C2: variants seen among roughly 807,000 people sequenced by gnomAD.
The protein encoded by C2 is complement C2, also known as C3/C5 convertase.
A neutral mutation model predicts 85.2 loss-of-function variants in C2; 64 were observed. The ratio of observed to expected loss-of-function variants is 0.75; its 90% CI spans 0.61 to 0.92. The LOEUF (loss-of-function observed/expected upper bound fraction) is 0.92, where lower values mean the gene tolerates loss of function less well. Ranked by LOEUF, C2 falls within the 40% of genes least tolerant of loss-of-function variation. C2 has a pLI of 0.00. For missense variants in C2, 820 were observed against 971.6 expected, an observed-to-expected ratio of 0.84 and a Z score of 2.07; for synonymous variants, 311 against 370.8, an observed-to-expected ratio of 0.84 and a Z score of 1.85.
chr6:31,932,455 A>C (rs577449462), intron 3 of C2: 15,600 of 282,502 alleles, frequency 0.055, 525 homozygotes, highest in African/African-American at 0.1. Context: ...GGCCGGGCAG[A>C]GACGCTCCTC....
chr6:31,929,955 T>C (rs1769596285), intron 3 of C2, among the ~76,000 whole-genome samples: 1 of 151,360 alleles, frequency 6.6e-6, no homozygotes, highest in Non-Finnish European at 1.5e-5. Context: ...GAGGTTGCAG[T>C]GAGCCGAGAT....
Position 31,944,665 on chromosome 6 carries a change from G to A in C2, c.1903-62G>A, listed in dbSNP as rs897612929. On this transcript the variant is annotated intron_variant, in intron 15 of 17. Coordinates refer to ENST00000299367, the MANE Select transcript of C2 (RefSeq NM_000063.6). The surrounding 1 kb of genome is among the most constrained non-coding windows in gnomAD (Gnocchi z 5.1). Reference sequence around the variant, plus strand: ...CAAAGTGCTGAGATTACAGGCGTGAGCCACTGCACCCACCCGGGTCTGCTT... The same window carrying A: ...CAAAGTGCTGAGATTACAGGCGTGAACCACTGCACCCACCCGGGTCTGCTT... 6.3e-7 allele frequency: 1 copy of A among 1,598,142 alleles called. No individual in the cohort carries two copies. The highest frequency in any genetic ancestry group is 2.2e-5 in the East Asian group (1 of 44,808).
In C2 at chr6:31,942,787, G is replaced by A. The variant is rs530716101; in HGVS notation, c.1220-172G>A. The A allele has an allele frequency of 1.7e-5, 12 of 723,150 alleles. No homozygotes were observed. In the African/African-American group the frequency reaches 2.1e-4, roughly 13 times the overall value. The allele number at this position is 723,150 out of a possible 1,614,324, so 44.8% of individuals were successfully genotyped here. On this transcript the variant is annotated intron_variant, in intron 9 of 17. Transcript: ENST00000299367. ...AAGAGGCTGTGTGCTGCAGGAGAGT[G>A]AAGGGCAGGGAGTGGCAGGAAATGA...
upstream of C2, chr6:31,897,818 G>A: frequency 9.8e-7 from 1 of 1,018,740 alleles, no homozygotes; most frequent in Middle Eastern, 3.5e-4. Context: ...GGAGATGGCT[G>A]TGACTGTCCT....
chr6:31,924,384 G>A (rs1429799730), upstream of C2, among the ~76,000 whole-genome samples: 8 of 152,078 alleles, frequency 5.3e-5, no homozygotes. Flanking sequence ...CTTTAATTTT[G>A]TTTCTTTATC....
chr6:31,945,512 G>GAA lies in C2; in HGVS notation c.*157_*158dup, dbSNP rs1163077083. 1 of 741,454 alleles carries GAA rather than the reference G, an allele frequency of 1.3e-6. No individual in the cohort carries two copies. The highest frequency in any genetic ancestry group is 2.3e-6 in the Non-Finnish European group (1 of 431,654). 45.9% of individuals were successfully genotyped at this position (741,454 alleles called of 1,614,324 possible). A position where few individuals can be genotyped will look rare whatever the true frequency, so the allele number is the denominator to read the frequency against. ...GCCAGAGGCAGCGCACACAAGCTGG[G>GAA]AAATCCTCAGGGCTCCTACCAGCAG... is the stretch of plus-strand genomic sequence containing the variant. On this transcript the variant is annotated 3_prime_UTR_variant, in exon 18 of 18. Coordinates refer to ENST00000299367, the MANE Select transcript of C2 (RefSeq NM_000063.6). The surrounding 1 kb of genome is among the most constrained non-coding windows in gnomAD (Gnocchi z 5.3).
upstream of C2, chr6:31,897,870 T>C (rs1766800670): frequency 1.5e-5 from 16 of 1,055,426 alleles, no homozygotes; most frequent in Non-Finnish European, 1.8e-5. Context: ...ATTCCTGGCC[T>C]CAGTTCTGCA....
intron 5 of C2, 65 bp downstream of exon 5, chr6:31,934,030 A>G: frequency 6.4e-7 from 1 of 1,552,326 alleles, no homozygotes; most frequent in East Asian, 2.2e-5. Context: ...GCAAGGGAGG[A>G]TGCAACCTTC....
Position 31,942,965 on chromosome 6 carries a change from A to AT in C2, c.1227dup (p.Ala410CysfsTer16). On this transcript the variant is annotated frameshift_variant, in exon 10 of 18. Transcript: ENST00000299367. LOFTEE classifies it high-confidence loss of function. ...TTTCCCTCTTCCCCACCAGACATCT[A>AT]TGCCATCGGGGTGGGCAAGCTGGAT... is the stretch of plus-strand genomic sequence containing the variant. 3 of 1,613,094 alleles carry AT rather than the reference A, an allele frequency of 1.9e-6. No homozygotes were observed. Among genetic ancestry groups the AT allele is most frequent in the Non-Finnish European group, 2.5e-6 (3 of 1,180,028 alleles).
chr6:31,925,558 G>T (rs937141528), upstream of C2, among the ~76,000 whole-genome samples: 9 of 152,286 alleles, frequency 5.9e-5, no homozygotes, highest in Admixed American at 5.2e-4. Context: ...CTCCCAAAGT[G>T]CTGGGATTAC....
At chr6:31,900,459 C>T, upstream of C2, 2 of 1,586,830 alleles carry the variant, frequency 1.3e-6, no homozygotes, top group Non-Finnish European at 1.7e-6. The surrounding 1 kb of genome is among the most constrained non-coding windows in gnomAD (Gnocchi z 9.7). Flanking sequence ...GCCCGGCCTC[C>T]GGGAATCAAC....
chr6:31,927,714 C>T (rs1222375358), upstream of C2: 9 of 1,612,922 alleles, frequency 5.6e-6, no homozygotes, highest in South Asian at 2.2e-5. The surrounding 1 kb of genome is among the most constrained non-coding windows in gnomAD (Gnocchi z 4.7). Flanking sequence ...TTTTCCCTCC[C>T]GCGGCTCTCT....
intron 3 of C2, among the ~76,000 whole-genome samples, chr6:31,932,888 T>G (rs886078554): frequency 6.6e-6 from 1 of 152,234 alleles, no homozygotes; most frequent in African/African-American, 2.4e-5. Context: ...CCGAGGCTGG[T>G]GGATCACTCG....
Position 31,928,852 on chromosome 6 carries a change from C to T in C2, c.377C>T (p.Ser126Leu), listed in dbSNP as rs749347217. Residue 126 changes from serine (S) to leucine (L), a missense_variant, in exon 3 of 18, where the codon TCG (serine) becomes TTG (leucine). Ser to Leu is a moderately radical substitution (Grantham distance 145). Transcript: ENST00000299367. ...ECEDGFILRG[S>L]PVRQCRPNGM... ...GAGGATGGCTTCATATTGCGGGGCT[C>T]GCCTGTGCGTCAGTGTCGCCCCAAC... 7.4e-6 allele frequency: 12 copies of T among 1,614,188 alleles called. No individual in the cohort carries two copies. The highest frequency in any genetic ancestry group is 2.2e-5 in the South Asian group (2 of 91,090).
At chr6:31,934,379 C>T (rs1403770650) in intron 6 of C2, 80 bp downstream of exon 6, 11 of 1,581,082 alleles carry the variant, frequency 7.0e-6, no homozygotes, top group Middle Eastern at 1.7e-4. Flanking sequence ...CTCCTCAGAA[C>T]CCCACTCACA....
upstream of C2, among the ~76,000 whole-genome samples, chr6:31,924,887 T>A (rs1336290352): frequency 6.6e-6 from 1 of 152,216 alleles, no homozygotes; most frequent in Non-Finnish European, 1.5e-5. Flanking sequence ...AGGTAAATTC[T>A]ATGCCTCCAG....
At chr6:31,917,505 G>T (rs1768624633), upstream of C2, among the ~76,000 whole-genome samples, 1 of 151,902 alleles carries the variant, frequency 6.6e-6, no homozygotes. Context: ...AGGGAGTGTG[G>T]GTTAAAAAAT....
rs768357652 is a variant in C2, at chr6:31,937,401, C to T, written c.1071C>T (p.Leu357=). 5.6e-6 allele frequency: 9 copies of T among 1,612,598 alleles called. No homozygotes were observed. The East Asian group carries it at 8.9e-5, about 16-fold the overall frequency. The change falls in exon 8 of 18, where the codon CTC becomes CTT. Residue 357 remains leucine (L), a synonymous_variant. Coordinates refer to ENST00000299367, the MANE Select transcript of C2 (RefSeq NM_000063.6). ...TGATGAACAACCAAATGCGACTCCT[C>T]GGCATGGAAACGATGGCCTGGCAGG... The part of the protein sequence containing the change: ...YLMMNNQMRL[L]GMETMAWQEI...
exon 1 of C2, chr6:31,901,093 C>T (rs1307114977): frequency 8.1e-6 from 13 of 1,614,126 alleles, no homozygotes; most frequent in Non-Finnish European, 1.1e-5. Flanking sequence ...TCAGGGAGAC[C>T]TGCAGCTCCG....
Sources: gnomAD v4.1 joint callset for allele counts (sites outside exome capture counted in the v4.1 genomes callset) on GRCh38, gnomAD v4.1.1 for gene constraint, Gnocchi (gnomAD v3.1) non-coding constraint, MANE v1.5 for transcripts, NCBI Gene and HGNC (gene_info 2026-07-23, HGNC 2026-07-21) for gene names.